The following ANKS1B variants were observed in gnomAD, a reference collection of about 807,000 sequenced individuals.
ANKS1B encodes ankyrin repeat and sterile alpha motif domain-containing protein 1B.
In ANKS1B, 36 loss-of-function variants were observed where a neutral mutation model predicts 148.3. That is an observed-to-expected ratio of 0.24 (90% CI 0.19 to 0.32). The LOEUF (loss-of-function observed/expected upper bound fraction) is 0.32. Ranked by LOEUF, ANKS1B falls within the 10% of genes least tolerant of loss-of-function variation. The pLI is 1.00. For synonymous variants in ANKS1B, 542 were observed against 560.8 expected (o/e 0.97, Z 0.47); for missense variants, 1,157 against 1,542.6 (o/e 0.75, Z 4.19).
chr12:99,562,848 G>T (rs996270046), intron 9 of ANKS1B, among the ~76,000 whole-genome samples: 1 of 152,170 alleles, frequency 6.6e-6, no homozygotes, highest in South Asian at 2.1e-4. Context: ...TTTGGGTGGG[G>T]ACACAGAGCC....
chr12:99,465,331 C>T (rs2096080669), intron 10 of ANKS1B, among the ~76,000 whole-genome samples: 1 of 152,300 alleles, frequency 6.6e-6, no homozygotes, highest in Admixed American at 6.5e-5. Flanking sequence ...CCAGCCACTG[C>T]AAAATCACGC....
intron 17 of ANKS1B, among the ~76,000 whole-genome samples, chr12:98,881,094 A>G (rs954430695): frequency 3.3e-5 from 5 of 152,244 alleles, no homozygotes; most frequent in East Asian, 1.9e-4. Flanking sequence ...AATAATATGG[A>G]AAATAGTATG....
intron 11 of ANKS1B, among the ~76,000 whole-genome samples, chr12:99,435,328 G>A (rs1479810720): frequency 6.6e-6 from 1 of 152,038 alleles, no homozygotes; most frequent in African/African-American, 2.4e-5. Flanking sequence ...AGAATGAGAT[G>A]CTTGAAGGTG....
chr12:99,730,922 G>C (rs1262271600), intron 8 of ANKS1B, among the ~76,000 whole-genome samples: 1 of 151,986 alleles, frequency 6.6e-6, no homozygotes, highest in Non-Finnish European at 1.5e-5. Context: ...TTTTGTTTTT[G>C]TTTTGTTTCT....
At chr12:99,273,671 A>T (rs936334746) in intron 12 of ANKS1B, among the ~76,000 whole-genome samples, 25 of 131,590 alleles carry the variant, frequency 1.9e-4, no homozygotes, top group African/African-American at 8.2e-4. Context: ...CCACCCCTCC[A>T]GGTTTAAGCA....
At chr12:99,353,864 G>A (rs1164567486) in intron 12 of ANKS1B, among the ~76,000 whole-genome samples, 4 of 151,954 alleles carry the variant, frequency 2.6e-5, no homozygotes, top group Non-Finnish European at 5.9e-5. Context: ...TTCTTTCTAT[G>A]TAATCCTATC....
At chr12:99,685,872 A>C (rs2098646688) in intron 8 of ANKS1B, among the ~76,000 whole-genome samples, 1 of 152,154 alleles carries the variant, frequency 6.6e-6, no homozygotes, top group Non-Finnish European at 1.5e-5. Flanking sequence ...TGAGTGAAGT[A>C]ACTCAGAAAT....
chr12:99,538,193 T>G (rs2097092018), intron 9 of ANKS1B, among the ~76,000 whole-genome samples: 1 of 152,168 alleles, frequency 6.6e-6, no homozygotes, highest in Non-Finnish European at 1.5e-5. Flanking sequence ...GGTAATGTGA[T>G]TCCTCCAGTT....
intron 1 of ANKS1B, among the ~76,000 whole-genome samples, chr12:99,861,714 G>A (rs1019120781): frequency 3.9e-5 from 6 of 152,104 alleles, no homozygotes; most frequent in African/African-American, 1.2e-4. Flanking sequence ...AAATCTGTTC[G>A]CATGCAAACA....
chr12:99,705,771 G>A (rs2055652506), intron 8 of ANKS1B, among the ~76,000 whole-genome samples: 1 of 152,108 alleles, frequency 6.6e-6, no homozygotes, highest in African/African-American at 2.4e-5. Context: ...ATCAGAAGGA[G>A]TAGAAGGTGA....
rs372370588 is a variant in ANKS1B, at chr12:98,932,382, C to A, written c.2779-100246G>T. ...TCCCACTAAATGACATCATTTAATT[C>A]CAGGATGCTCAGAATACTTAATAAT... is the stretch of plus-strand genomic sequence containing the variant. On this transcript the variant is annotated intron_variant, in intron 17 of 26. Transcript: ENST00000683438. 8.3e-4 allele frequency among the ~76,000 whole-genome samples: 127 copies of A among 152,274 alleles called. 2 individuals are homozygous for A. In the South Asian group the frequency reaches 0.025, roughly 30 times the overall value.
At chr12:99,238,630 G>T (rs950301853) in intron 14 of ANKS1B, among the ~76,000 whole-genome samples, 3 of 152,206 alleles carry the variant, frequency 2.0e-5, no homozygotes, top group African/African-American at 7.2e-5. Context: ...CCCCTGTGTA[G>T]CCTGACTGGG....
intron 10 of ANKS1B, among the ~76,000 whole-genome samples, chr12:99,457,303 C>T (rs1004172640): frequency 1.3e-5 from 2 of 151,500 alleles, no homozygotes; most frequent in Admixed American, 6.6e-5. Flanking sequence ...CCTCGAAATA[C>T]ACCAAAATAG....
At chr12:99,684,507 G>A (rs1312640529) in intron 8 of ANKS1B, among the ~76,000 whole-genome samples, 8 of 151,950 alleles carry the variant, frequency 5.3e-5, no homozygotes, top group Admixed American at 3.3e-4. Context: ...TACATCACAT[G>A]CTCATGAATG....
intron 12 of ANKS1B, among the ~76,000 whole-genome samples, chr12:99,263,288 C>T (rs762161628): frequency 1.8e-4 from 27 of 152,140 alleles, no homozygotes; most frequent in Non-Finnish European, 2.4e-4. Context: ...CTCATGCCCA[C>T]GCCCCGTTTT....
At chr12:98,933,000 C>T (rs993507322) in intron 17 of ANKS1B, among the ~76,000 whole-genome samples, 1 of 152,182 alleles carries the variant, frequency 6.6e-6, no homozygotes, top group African/African-American at 2.4e-5. Flanking sequence ...AACATGCGAT[C>T]TACCTCTGTA....
At chr12:98,816,348 T>A (rs1162700675) in intron 19 of ANKS1B, among the ~76,000 whole-genome samples, 1 of 152,110 alleles carries the variant, frequency 6.6e-6, no homozygotes, top group South Asian at 2.1e-4. Context: ...CAGGAGGGAG[T>A]GCAATGGCAC....
At position 99,076,914 on chromosome 12, in the gene ANKS1B, T is replaced by C. The variant is rs145612151; in HGVS notation, c.2625+8011A>G. On this transcript the variant is annotated intron_variant, in intron 16 of 26. Transcript: ENST00000683438. ...TGGCTATTTTCACTCTGCAACAGGGTTGAGTAACCACAATATAGGACATAT... is the reference window on the plus strand; with the variant it reads ...TGGCTATTTTCACTCTGCAACAGGGCTGAGTAACCACAATATAGGACATAT... Among the ~76,000 whole-genome samples the C allele has an allele frequency of 8.0e-3, 1,210 of 152,100 alleles. 19 individuals are homozygous for C. Among genetic ancestry groups the C allele is most frequent in the African/African-American group, 0.028 (1,145 of 41,478 alleles).
At chr12:98,822,895 C>G (rs983333398) in intron 19 of ANKS1B, among the ~76,000 whole-genome samples, 3 of 152,290 alleles carry the variant, frequency 2.0e-5, no homozygotes, top group African/African-American at 7.2e-5. Context: ...TGTTTTAAGA[C>G]TATAGTACAG....
Sources: gnomAD v4.1 joint callset for allele counts (sites outside exome capture counted in the v4.1 genomes callset) on GRCh38, gnomAD v4.1.1 for gene constraint, MANE v1.5 for transcripts, NCBI Gene and HGNC (gene_info 2026-07-23, HGNC 2026-07-21) for gene names.